PUM1: variants seen among roughly 807,000 people sequenced by gnomAD.
PUM1 encodes pumilio homolog 1.
Under a neutral mutation model 131.8 loss-of-function variants are expected in PUM1, and 13 were observed. The observed-to-expected ratio is 0.10, with a 90% CI of 0.06 to 0.16. The LOEUF (loss-of-function observed/expected upper bound fraction) is 0.16, where lower values mean the gene tolerates loss of function less well. Ranked by LOEUF, PUM1 falls within the 10% of genes least tolerant of loss-of-function variation. The pLI, the probability that PUM1 is intolerant of heterozygous loss-of-function variation, is 1.00. For missense variants in PUM1, 961 were observed against 1,512.4 expected, an observed-to-expected ratio of 0.64 and a Z score of 6.05; for synonymous variants, 509 against 556.5, an observed-to-expected ratio of 0.91 and a Z score of 1.20.
At chr1:31,025,600 G>C (rs961653597) in intron 3 of PUM1, among the ~76,000 whole-genome samples, 1 of 129,800 alleles carries the variant, frequency 7.7e-6, no homozygotes, top group Non-Finnish European at 1.5e-5. Context: ...CTGTTGCCCA[G>C]GCTGGAGTAC....
intron 5 of PUM1, among the ~76,000 whole-genome samples, chr1:30,995,887 T>C (rs1017347698): frequency 6.6e-6 from 1 of 152,194 alleles, no homozygotes; most frequent in Non-Finnish European, 1.5e-5. Context: ...AAGTTAACTC[T>C]GAGATTCTTT....
intron 3 of PUM1, among the ~76,000 whole-genome samples, chr1:31,009,503 C>A (rs950775807): frequency 6.6e-6 from 1 of 152,054 alleles, no homozygotes; most frequent in African/African-American, 2.4e-5. Context: ...TGGTGGCTCA[C>A]GCCTGTAATC....
intron 10 of PUM1, chr1:30,973,058 C>G (rs1288064058): frequency 1.9e-5 from 4 of 208,366 alleles, no homozygotes; most frequent in Non-Finnish European, 4.0e-5. Context: ...CCAGCCTGGG[C>G]AACAAAAGCA....
At chr1:31,039,259 C>T (rs552375520) in intron 2 of PUM1, among the ~76,000 whole-genome samples, 2 of 150,888 alleles carry the variant, frequency 1.3e-5, no homozygotes, top group South Asian at 4.2e-4. Context: ...GGCTCTGTCA[C>T]CCAGGCTGGA....
chr1:31,045,050 G>A (rs890249092), intron 2 of PUM1, among the ~76,000 whole-genome samples: 3 of 151,618 alleles, frequency 2.0e-5, no homozygotes, highest in African/African-American at 7.3e-5. Flanking sequence ...CACCCGCCTC[G>A]GCCTCCCAAA....
In PUM1 at chr1:30,962,029, T is replaced by C. The variant is rs3737751; in HGVS notation, c.2323+2645A>G. Among the ~76,000 whole-genome samples, 776 of 152,290 alleles carry C rather than the reference T, an allele frequency of 5.1e-3. 4 individuals carry two copies. Among genetic ancestry groups the C allele is most frequent in the East Asian group, 0.032 (167 of 5,190 alleles). On this transcript the variant is annotated intron_variant, in intron 14 of 21. Coordinates refer to ENST00000426105, the MANE Select transcript of PUM1 (RefSeq NM_001020658.2). ...TGTATGGAGATTGTTAGAAACCAAG[T>C]AGCACACCTCTACTTTCTCGAGGAA...
intron 3 of PUM1, among the ~76,000 whole-genome samples, chr1:31,017,077 A>G (rs953471163): frequency 1.3e-5 from 2 of 152,212 alleles, no homozygotes; most frequent in African/African-American, 4.8e-5. Flanking sequence ...GACTATTGAA[A>G]AAATAAATTT....
At chr1:30,966,401 A>G in intron 12 of PUM1, 123 bp from the exon 13 acceptor site, 1 of 973,556 alleles carries the variant, frequency 1.0e-6, no homozygotes, top group Non-Finnish European at 1.5e-6. Context: ...GACACAAACC[A>G]TACAAATCTG....
At chr1:31,001,993 G>A (rs1642233766) in intron 5 of PUM1, among the ~76,000 whole-genome samples, 1 of 152,238 alleles carries the variant, frequency 6.6e-6, no homozygotes, top group African/African-American at 2.4e-5. Context: ...GCTCCCAGGT[G>A]ATGCTAATGC....
Position 30,980,176 on chromosome 1 carries a change from T to C in PUM1, c.1253-13A>G, listed in dbSNP as rs775842408. On this transcript the variant is annotated splice_polypyrimidine_tract_variant and intron_variant, in intron 8 of 21. Coordinates refer to ENST00000426105, the MANE Select transcript of PUM1 (RefSeq NM_001020658.2). ...GCGGGAGCTAAACCTGCTGAAAACA[T>C]ACCTGTCAGTAAAAACAAACTTGAC... The C allele has an allele frequency of 4.4e-6, 7 of 1,608,148 alleles. No homozygotes were observed. The highest frequency in any genetic ancestry group is 3.3e-5 in the Admixed American group (2 of 59,822).
intron 2 of PUM1, among the ~76,000 whole-genome samples, chr1:31,037,772 C>T (rs1230883910): frequency 6.6e-6 from 1 of 150,652 alleles, no homozygotes; most frequent in African/African-American, 2.4e-5. Flanking sequence ...CATTTAGGGC[C>T]GGGCGTGGTG....
intron 2 of PUM1, among the ~76,000 whole-genome samples, chr1:31,054,179 G>C (rs2124594915): frequency 6.7e-6 from 1 of 148,600 alleles, no homozygotes; most frequent in South Asian, 2.1e-4. Flanking sequence ...ATACAAAGAT[G>C]AGCTAGGTGT....
In PUM1 at chr1:30,976,759, T is replaced by C. The variant is rs1641151141; in HGVS notation, c.1355-1957A>G. Among the ~76,000 whole-genome samples the C allele has an allele frequency of 2.0e-5, 3 of 150,996 alleles. No individual in the cohort carries two copies. The South Asian group carries it at 6.3e-4, about 31-fold the overall frequency. ...TGTTACACTATGAACTATTTTACTA[T>C]AAGAAGAAAAGGGGTTAAAACATTT... On this transcript the variant is annotated intron_variant, in intron 9 of 21. Transcript: ENST00000426105.
At chr1:31,064,809 A>C (rs896685039) in intron 1 of PUM1, among the ~76,000 whole-genome samples, 1 of 108,630 alleles carries the variant, frequency 9.2e-6, no homozygotes, top group Admixed American at 1.4e-4. Flanking sequence ...ACAGGAGTGT[A>C]TTCCTCACTT....
chr1:30,962,830 T>C (rs960413647), intron 14 of PUM1, among the ~76,000 whole-genome samples: 7 of 152,192 alleles, frequency 4.6e-5, no homozygotes, highest in African/African-American at 1.7e-4. Flanking sequence ...ACAGACACCA[T>C]CTGGCCTATA....
chr1:31,007,264 A>G (rs1317094202), intron 3 of PUM1, among the ~76,000 whole-genome samples, 162 bp from the exon 4 acceptor site: 1 of 152,146 alleles, frequency 6.6e-6, no homozygotes, highest in Non-Finnish European at 1.5e-5. Flanking sequence ...ACACTGCTAT[A>G]TATTTGGTAA....
intron 3 of PUM1, among the ~76,000 whole-genome samples, chr1:31,015,142 G>A (rs773594356): frequency 1.7e-4 from 26 of 152,082 alleles, no homozygotes; most frequent in Admixed American, 3.3e-4. Flanking sequence ...GATCAAGACT[G>A]GAAAGAAAAA....
intron 2 of PUM1, among the ~76,000 whole-genome samples, chr1:31,049,658 T>C (rs1644059908): frequency 6.6e-6 from 1 of 151,752 alleles, no homozygotes; most frequent in South Asian, 2.1e-4. Flanking sequence ...CCAGCCTAGG[T>C]GAAAGGATGA....
At chr1:30,969,926 G>T (rs1451193640) in intron 10 of PUM1, among the ~76,000 whole-genome samples, 1 of 152,218 alleles carries the variant, frequency 6.6e-6, no homozygotes, top group Non-Finnish European at 1.5e-5. Flanking sequence ...GCCTGCCAAA[G>T]TGTTGGGATT....
Sources: gnomAD v4.1 joint callset for allele counts (sites outside exome capture counted in the v4.1 genomes callset) on GRCh38, gnomAD v4.1.1 for gene constraint, MANE v1.5 for transcripts, NCBI Gene and HGNC (gene_info 2026-07-23, HGNC 2026-07-21) for gene names.